Variants in OR13A1 observed in about 807,000 individuals in gnomAD.
OR13A1 encodes olfactory receptor family 13 subfamily A member 1, also known as olfactory receptor 13A1.
Under a neutral mutation model 7.5 loss-of-function variants are expected in OR13A1, and 10 were observed. The ratio of observed to expected loss-of-function variants is 1.34; its 90% CI spans 0.83 to 2.27. The LOEUF (loss-of-function observed/expected upper bound fraction) is 2.27. Among genes scored for constraint, OR13A1 ranks in the 30% most tolerant of loss-of-function variants. The probability of loss-of-function intolerance (pLI) is 0.00; values close to 1 mark genes in which losing one functional copy is unlikely to be tolerated. For synonymous variants in OR13A1, 238 were observed against 177.9 expected (o/e 1.34, Z -2.69); for missense variants, 509 against 419.1 (o/e 1.21, Z -1.87).
At position 45,304,121 on chromosome 10, in the gene OR13A1, G is replaced by GCC. The variant is rs1368837200; in HGVS notation, c.300_301dup (p.Ala101GlyfsTer54). 2 of 1,614,074 alleles carry GCC rather than the reference G, an allele frequency of 1.2e-6. No homozygotes were observed. The highest frequency in any genetic ancestry group is 1.7e-6 in the Non-Finnish European group (2 of 1,180,036). The stretch of plus-strand genomic sequence containing the variant: ...GGAGCTCTCTTCCGACACCAGACTG[G>GCC]CCAGCGCCTTGGGCATGATGGAAGA... On this transcript the variant is annotated frameshift_variant, in exon 4 of 4. Transcript: ENST00000553795. LOFTEE classifies it high-confidence loss of function.
In OR13A1 at chr10:45,303,728, G is replaced by A. The variant is rs1429850429; in HGVS notation, c.695C>T (p.Thr232Ile). The change falls in exon 4 of 4, where the codon ACC becomes ATC. Residue 232 changes from threonine (T) to isoleucine (I), a missense_variant. Thr to Ile is a moderately conservative substitution (Grantham distance 89). Coordinates refer to ENST00000553795, the MANE Select transcript of OR13A1 (RefSeq NM_001004297.3). ...AFYGIVNFLM[T>I]IASYGFIVSS... ...GACGATGAAGCCATAGGACGCGATGGTCATCAGGAAGTTCACTATGCCGTA... is the reference window on the plus strand; with the variant it reads ...GACGATGAAGCCATAGGACGCGATGATCATCAGGAAGTTCACTATGCCGTA... 11 of 1,614,202 alleles carry A rather than the reference G, an allele frequency of 6.8e-6. No individual in the cohort carries two copies. In the East Asian group the frequency reaches 2.5e-4, roughly 36 times the overall value.
At chr10:45,310,839 A>G (rs1222877838) in intron 1 of OR13A1, among the ~76,000 whole-genome samples, 2 of 152,206 alleles carry the variant, frequency 1.3e-5, no homozygotes, top group African/African-American at 4.8e-5. Flanking sequence ...AATGAACAGT[A>G]TTAAAAGTTA....
intron 1 of OR13A1, among the ~76,000 whole-genome samples, chr10:45,313,563 A>T (rs1316023521): frequency 6.6e-6 from 1 of 152,022 alleles, no homozygotes; most frequent in East Asian, 1.9e-4. Flanking sequence ...GCTTAAAATG[A>T]AAAAAAGGAA....
At chr10:45,312,779 C>T (rs1838466698) in intron 1 of OR13A1, among the ~76,000 whole-genome samples, 1 of 151,910 alleles carries the variant, frequency 6.6e-6, no homozygotes, top group Admixed American at 6.6e-5. Context: ...ATTCAAAGAG[C>T]TGAAAGAAAA....
At chr10:45,309,952 A>G (rs1838409499) in intron 1 of OR13A1, among the ~76,000 whole-genome samples, 1 of 152,218 alleles carries the variant, frequency 6.6e-6, no homozygotes, top group South Asian at 2.1e-4. Flanking sequence ...GAATAATTAT[A>G]CCTACCTTCA....
At position 45,303,793 on chromosome 10, in the gene OR13A1, G is replaced by A; in HGVS notation, c.630C>T (p.Thr210=). 1 of 1,613,898 alleles carries A rather than the reference G, an allele frequency of 6.2e-7. No individual in the cohort carries two copies. Among genetic ancestry groups the A allele is most frequent in the South Asian group, 1.1e-5 (1 of 91,090 alleles). ...GGACAATCATGACACCGTTGACGTA[G>A]GTGGAGCTGCAGGAGAGAAGCAGCA... ...PPLLLLSCSS[T]YVNGVMIVLA... is the part of the protein sequence containing the mutation. Residue 210 remains threonine, a synonymous_variant, in exon 4 of 4, where the codon ACC becomes ACT. Coordinates refer to ENST00000553795, the MANE Select transcript of OR13A1 (RefSeq NM_001004297.3).
chr10:45,307,905 A>G (rs1838367634), intron 1 of OR13A1, 97 bp from the exon 2 acceptor site: 1 of 152,246 alleles, frequency 6.6e-6, no homozygotes, highest in African/African-American at 2.4e-5. Context: ...AGGTAATTTC[A>G]TTGAGTATTT....
intron 1 of OR13A1, among the ~76,000 whole-genome samples, chr10:45,310,187 T>A (rs967057515): frequency 6.6e-6 from 1 of 152,202 alleles, no homozygotes; most frequent in Non-Finnish European, 1.5e-5. Flanking sequence ...CAGGAATAAA[T>A]GTGTGTTAGG....
chr10:45,315,389 G>A (rs755820980), intron 1 of OR13A1, 135 bp downstream of exon 1: 15 of 152,064 alleles, frequency 9.9e-5, no homozygotes, highest in Non-Finnish European at 1.6e-4. Context: ...AAAACAGCAT[G>A]ATCATTTATA....
Position 45,304,044 on chromosome 10 carries a change from A to G in OR13A1, c.379T>C (p.Ser127Pro), listed in dbSNP as rs1838271709. ...ACCGTGAGGAGCAGCAGCTCTGAGG[A>G]TGCAGCCCACGTGAGGAAATAGAGC... ...AQLYFLTWAA[S>P]SELLLLTVMA... Residue 127 changes from serine (S) to proline (P), a missense_variant, in exon 4 of 4, where the codon TCC becomes CCC. Ser to Pro is a moderately conservative substitution (Grantham distance 74). Transcript: ENST00000553795. 10 of 1,613,512 alleles carry G rather than the reference A, an allele frequency of 6.2e-6. No individual in the cohort carries two copies. Among genetic ancestry groups the G allele is most frequent in the Non-Finnish European group, 7.6e-6 (9 of 1,179,596 alleles).
chr10:45,306,908 C>A (rs17157680), intron 3 of OR13A1, among the ~76,000 whole-genome samples: 4 of 152,114 alleles, frequency 2.6e-5, no homozygotes, highest in Non-Finnish European at 5.9e-5. Context: ...TAATTACTTT[C>A]GCTGAGTTTG....
intron 3 of OR13A1, among the ~76,000 whole-genome samples, chr10:45,305,115 A>C (rs975910315): frequency 2.0e-5 from 3 of 152,106 alleles, no homozygotes; most frequent in African/African-American, 7.2e-5. Flanking sequence ...GATGTCTGTA[A>C]TCCCAGCTAC....
intron 1 of OR13A1, among the ~76,000 whole-genome samples, chr10:45,310,132 G>A (rs1008163712): frequency 1.3e-4 from 20 of 152,140 alleles, no homozygotes; most frequent in Admixed American, 2.6e-4. Context: ...AAAGATCCAT[G>A]AACAAGGAAT....
chr10:45,311,163 G>A (rs1263804682), intron 1 of OR13A1, among the ~76,000 whole-genome samples: 2 of 152,172 alleles, frequency 1.3e-5, no homozygotes, highest in Non-Finnish European at 2.9e-5. Context: ...CCTCAGCAAG[G>A]ACCAGCTATA....
Position 45,304,427 on chromosome 10 carries a change from T to G in OR13A1, c.-5A>C. ...ACTCTCCATCCACAGCTTCATGTGA[T>G]TTCAGAGCTAGAGAGATAAACAAGA... On this transcript the variant is annotated 5_prime_UTR_variant, in exon 4 of 4. Transcript: ENST00000553795. The G allele has an allele frequency of 2.5e-6, 4 of 1,609,308 alleles. No individual in the cohort carries two copies. The highest frequency in any genetic ancestry group is 3.4e-6 in the Non-Finnish European group (4 of 1,177,872).
intron 1 of OR13A1, among the ~76,000 whole-genome samples, chr10:45,312,342 C>A (rs1838460484): frequency 6.6e-6 from 1 of 151,900 alleles, no homozygotes. Flanking sequence ...ATCTTAAAAA[C>A]AGGCAGAGTA....
chr10:45,303,421 T>C lies in OR13A1; in HGVS notation c.*15A>G, dbSNP rs1446306626. The C allele has an allele frequency of 1.3e-6, 2 of 1,573,306 alleles. No homozygotes were observed. The highest frequency in any genetic ancestry group is 1.4e-5 in the African/African-American group (1 of 73,436). ...AACTGCAGTCTCCAAGGACAAAAACTTCAGAAGACACAAGTTAATTTCTGA... is the reference window on the plus strand; with the variant it reads ...AACTGCAGTCTCCAAGGACAAAAACCTCAGAAGACACAAGTTAATTTCTGA... On this transcript the variant is annotated 3_prime_UTR_variant, in exon 4 of 4. Transcript: ENST00000553795.
At chr10:45,309,252 G>A (rs1019490405) in intron 1 of OR13A1, among the ~76,000 whole-genome samples, 1 of 152,114 alleles carries the variant, frequency 6.6e-6, no homozygotes, top group Admixed American at 6.5e-5. Flanking sequence ...TTTCTGGACT[G>A]CTATCCATGG....
intron 1 of OR13A1, among the ~76,000 whole-genome samples, chr10:45,315,321 A>C (rs750267069): frequency 6.6e-6 from 1 of 152,208 alleles, no homozygotes; most frequent in Non-Finnish European, 1.5e-5. Context: ...CTCAAAAAAA[A>C]AGAATAATAC....
Sources: allele counts gnomAD v4.1 joint callset (sites outside exome capture counted in the v4.1 genomes callset), GRCh38; gene constraint gnomAD v4.1.1; transcripts MANE v1.5; gene names NCBI Gene and HGNC (gene_info 2026-07-23, HGNC 2026-07-21).